SOAT2: variants seen among roughly 807,000 people sequenced by gnomAD.
SOAT2 encodes ACAT-2.
SOAT2 carries 87 observed loss-of-function variants against 76.0 expected under a neutral mutation model. The observed-to-expected ratio is 1.14, with a 90% confidence interval of 0.96 to 1.37. SOAT2 has a LOEUF of 1.37. SOAT2 is among the 40% of genes most tolerant of loss of function. The pLI, the probability that SOAT2 is intolerant of heterozygous loss-of-function variation, is 0.00. For missense variants in SOAT2, 686 were observed against 682.1 expected (o/e 1.01, Z -0.06); for synonymous variants, 285 against 275.4 (o/e 1.03, Z -0.34).
intron 5 of SOAT2, among the ~76,000 whole-genome samples, chr12:53,109,518 G>A (rs890956412): frequency 2.0e-5 from 3 of 151,842 alleles, no homozygotes; most frequent in South Asian, 2.1e-4. Context: ...GTCTCACTCC[G>A]TCACCCAGGC....
rs754235116 is a variant in SOAT2 at position 53,115,633 on chromosome 12, T to G, written c.687T>G (p.Arg229=). 3 of 1,550,456 alleles carry G rather than the reference T, an allele frequency of 1.9e-6. No individual in the cohort carries two copies. The highest frequency in any genetic ancestry group is 1.7e-6 in the Non-Finnish European group (2 of 1,154,808). Residue 229 remains arginine, a synonymous_variant, in exon 6 of 15, where the codon CGT becomes CGG. Transcript: ENST00000301466. ...AGCATCAGCTCCCGCCGGCCTCCCG[T>G]TGTGTCCTGGTCTTCGAGCAGGTGA... ...AVEHQLPPAS[R]CVLVFEQVRF...
chr12:53,121,475 G>C (rs1938188309), intron 12 of SOAT2, 74 bp downstream of exon 12: 7 of 1,248,616 alleles, frequency 5.6e-6, no homozygotes, highest in Non-Finnish European at 7.0e-6. Flanking sequence ...CTTCCCTCCT[G>C]CTACAGTGTG....
rs750562865 is a variant in SOAT2 at position 53,105,254 on chromosome 12, G to C, written c.275+11G>C. ...AGGTTCCTTGAGCAGGTGAGTCTGG[G>C]GAATGGCTGCGCGGGCTCCTCTGTA... is the stretch of plus-strand genomic sequence containing the variant. On this transcript the variant is annotated intron_variant, in intron 3 of 14. Transcript: ENST00000301466. 6.2e-7 allele frequency: 1 copy of C among 1,600,172 alleles called. No individual in the cohort carries two copies. Among genetic ancestry groups the C allele is most frequent in the Non-Finnish European group, 8.5e-7 (1 of 1,173,912 alleles).
intron 5 of SOAT2, among the ~76,000 whole-genome samples, chr12:53,111,417 C>A (rs967161609): frequency 6.6e-6 from 1 of 152,140 alleles, no homozygotes. Flanking sequence ...TATAGTGTAG[C>A]TTTAAAACAG....
At chr12:53,120,115 C>T (rs1310874172) in intron 10 of SOAT2, among the ~76,000 whole-genome samples, 1 of 152,056 alleles carries the variant, frequency 6.6e-6, no homozygotes, top group African/African-American at 2.4e-5. Context: ...GGAGGAGGAC[C>T]GCTTGAGGCC....
chr12:53,120,765 C>G (rs527966056), intron 10 of SOAT2, 21 bp from the exon 11 acceptor site: 2 of 1,596,868 alleles, frequency 1.3e-6, no homozygotes, highest in South Asian at 2.2e-5. Context: ...TGACCTGCAG[C>G]CTCTTGTCCC....
At chr12:53,115,958 C>A in intron 6 of SOAT2, 139 bp from the exon 7 acceptor site, 1 of 789,974 alleles carries the variant, frequency 1.3e-6, no homozygotes, top group Non-Finnish European at 2.1e-6. Flanking sequence ...GGCCATCCAA[C>A]AAAAAGAAAA....
intron 5 of SOAT2, among the ~76,000 whole-genome samples, chr12:53,110,459 T>A (rs1167092915): frequency 6.6e-6 from 1 of 152,234 alleles, no homozygotes. Flanking sequence ...ATTTCTTGTA[T>A]AAATTTCCTT....
intron 12 of SOAT2, among the ~76,000 whole-genome samples, chr12:53,121,683 G>T (rs756718048): frequency 7.3e-5 from 11 of 150,694 alleles, no homozygotes; most frequent in Non-Finnish European, 1.3e-4. Context: ...GCAATTTTCA[G>T]CTACCAAGGG....
intron 5 of SOAT2, among the ~76,000 whole-genome samples, chr12:53,111,384 G>C (rs1487531374): frequency 6.6e-6 from 1 of 152,190 alleles, no homozygotes; most frequent in Non-Finnish European, 1.5e-5. Context: ...TGGGATTACA[G>C]GTGTGAGCCA....
At chr12:53,104,982 C>T (rs1413885851) in intron 2 of SOAT2, 125 bp from the exon 3 acceptor site, 6 of 1,108,872 alleles carry the variant, frequency 5.4e-6, no homozygotes, top group Non-Finnish European at 6.2e-6. Flanking sequence ...GCTGACCCCC[C>T]AGGTTGTTTT....
Position 53,103,654 on chromosome 12 carries a change from G to GAGAT in SOAT2, c.78_81dup (p.Gly28ArgfsTer5). The stretch of plus-strand genomic sequence containing the variant: ...GGGGAGCGGGAGCGCCAACCCTGTG[G>GAGAT]AGATGGTGAGCCGCCCTCGGGGGTG... On this transcript the variant is annotated frameshift_variant, in exon 1 of 15. Transcript: ENST00000301466. LOFTEE classifies it high-confidence loss of function. The GAGAT allele has an allele frequency of 1.3e-6, 2 of 1,533,092 alleles. No individual in the cohort carries two copies. Among genetic ancestry groups the GAGAT allele is most frequent in the Non-Finnish European group, 1.8e-6 (2 of 1,141,384 alleles). 95.0% of individuals were successfully genotyped at this position (1,533,092 alleles called of 1,614,324 possible). A position where few individuals can be genotyped will look rare whatever the true frequency, so the allele number is the denominator to read the frequency against.
chr12:53,123,993 T>A, intron 14 of SOAT2, 80 bp from the exon 15 acceptor site: 1 of 1,602,932 alleles, frequency 6.2e-7, no homozygotes, highest in Non-Finnish European at 8.5e-7. Flanking sequence ...GGCTTGGGGG[T>A]GATGGACTCT....
chr12:53,109,299 T>C (rs1182777248), intron 5 of SOAT2, among the ~76,000 whole-genome samples: 2 of 152,098 alleles, frequency 1.3e-5, no homozygotes, highest in African/African-American at 4.8e-5. Context: ...ATATCAGAAT[T>C]ATAGCAGTCT....
intron 12 of SOAT2, 89 bp downstream of exon 12, chr12:53,121,490 C>G (rs1938188689): frequency 9.3e-7 from 1 of 1,079,160 alleles, no homozygotes; most frequent in South Asian, 1.3e-5. Flanking sequence ...AGTGTGGCAA[C>G]TACACCACTC....
At chr12:53,116,210 C>G in intron 7 of SOAT2, 44 bp downstream of exon 7, 2 of 1,547,390 alleles carry the variant, frequency 1.3e-6, no homozygotes, top group Admixed American at 1.7e-5. Flanking sequence ...GTCCTCTTGG[C>G]TGACTGAATG....
chr12:53,122,371 G>T (rs1433551923), intron 12 of SOAT2, among the ~76,000 whole-genome samples: 1 of 147,624 alleles, frequency 6.8e-6, no homozygotes, highest in Non-Finnish European at 1.5e-5. Context: ...TCATTCTTGG[G>T]TGTTTCTCGC....
intron 12 of SOAT2, among the ~76,000 whole-genome samples, chr12:53,122,141 T>C (rs1037152420): frequency 2.0e-5 from 3 of 151,096 alleles, no homozygotes; most frequent in African/African-American, 7.3e-5. Flanking sequence ...TCACCCCTTC[T>C]GACCTCAGAT....
At chr12:53,112,256 C>T (rs995886017) in intron 5 of SOAT2, among the ~76,000 whole-genome samples, 1 of 152,122 alleles carries the variant, frequency 6.6e-6, no homozygotes, top group African/African-American at 2.4e-5. Flanking sequence ...CTCAAAAAGA[C>T]AAGGTCCTGG....
Sources: gnomAD v4.1 joint callset for allele counts (sites outside exome capture counted in the v4.1 genomes callset) on GRCh38, gnomAD v4.1.1 for gene constraint, MANE v1.5 for transcripts, NCBI Gene and HGNC (gene_info 2026-07-23, HGNC 2026-07-21) for gene names.